Variants in MARK3 observed in about 807,000 individuals in gnomAD.
The protein encoded by MARK3 is MAP/microtubule affinity-regulating kinase 3.
In MARK3, 46 loss-of-function variants were observed where a neutral mutation model predicts 90.1. The observed-to-expected ratio is 0.51, with a 90% CI of 0.40 to 0.65. The LOEUF is 0.65. Among genes scored for constraint, MARK3 ranks in the 30% least tolerant of loss-of-function variants. MARK3 has a pLI of 0.00. For synonymous variants in MARK3, 321 were observed against 332.6 expected (o/e 0.97, Z 0.38); for missense variants, 818 against 947.2 (o/e 0.86, Z 1.79).
chr14:103,436,137 C>T (rs537220278), intron 3 of MARK3, among the ~76,000 whole-genome samples: 8 of 152,240 alleles, frequency 5.3e-5, no homozygotes, highest in Non-Finnish European at 1.0e-4. Context: ...GTGATCCACC[C>T]GCTTCAGCCT....
chr14:103,407,664 A>G lies in MARK3; in HGVS notation c.243+2397A>G, dbSNP rs561335312. 2.1e-5 allele frequency among the ~76,000 whole-genome samples: 3 copies of G among 145,982 alleles called. No individual in the cohort carries two copies. The South Asian group carries it at 6.4e-4, about 31-fold the overall frequency. On this transcript the variant is annotated intron_variant, in intron 2 of 17. Transcript: ENST00000429436. ...TAACCTCCGCCTCCTGGGTTCAAGCAATTCTCCTGCCTCAGCCTCCTGAGT... is the reference window on the plus strand; with the variant it reads ...TAACCTCCGCCTCCTGGGTTCAAGCGATTCTCCTGCCTCAGCCTCCTGAGT...
At chr14:103,416,726 C>T (rs6575985) in intron 2 of MARK3, among the ~76,000 whole-genome samples, 52,063 of 151,886 alleles carry the variant, frequency 0.34, 9,398 homozygotes, top group East Asian at 0.5. Flanking sequence ...GAGCCGAGAT[C>T]GCACCACTGC....
intron 13 of MARK3, among the ~76,000 whole-genome samples, chr14:103,478,294 CAAAA>C (rs745554491): frequency 4.8e-5 from 6 of 125,280 alleles, no homozygotes; most frequent in Admixed American, 8.3e-5. Context: ...GGCTCCATCT[CAAAA>C]AAAAAAAAAA....
At position 103,405,097 on chromosome 14, in the gene MARK3, C is replaced by A; in HGVS notation, c.73C>A (p.Arg25Ser). 6.2e-7 allele frequency: 1 copy of A among 1,613,854 alleles called. No homozygotes were observed. The highest frequency in any genetic ancestry group is 8.5e-7 in the Non-Finnish European group (1 of 1,179,910). Residue 25 changes from arginine (R) to serine (S), a missense_variant, in exon 2 of 18, where the codon CGT becomes AGT. By Grantham distance (110) the Arg-to-Ser change is moderately radical. Transcript: ENST00000429436. ...TENHTSHGDG[R>S]QEVTSRTSRS... is the part of the protein sequence containing the mutation. ...GCAGCACACGTCACATGGAGATGGG[C>A]GTCAAGAAGTTACCTCTCGTACCAG...
At chr14:103,386,165 C>A in intron 1 of MARK3, 85 bp downstream of exon 1, 3 of 1,278,386 alleles carry the variant, frequency 2.3e-6, no homozygotes, top group Non-Finnish European at 3.4e-6. Flanking sequence ...GGGTGTTCCC[C>A]CCAGCCGAAC....
chr14:103,467,054 A>G, intron 10 of MARK3, 25 bp from the exon 11 acceptor site: 1 of 1,115,350 alleles, frequency 9.0e-7, no homozygotes, highest in Non-Finnish European at 1.3e-6. Context: ...CAAAACACAT[A>G]AACTGTATTA....
intron 2 of MARK3, among the ~76,000 whole-genome samples, chr14:103,424,306 G>A (rs1422095442): frequency 6.6e-6 from 1 of 151,946 alleles, no homozygotes; most frequent in African/African-American, 2.4e-5. Context: ...GCTGAGGTGG[G>A]CAGATCGCTT....
Position 103,493,829 on chromosome 14 carries a change from C to T in MARK3, c.1844+1795C>T, listed in dbSNP as rs952174425. 2.8e-5 allele frequency among the ~76,000 whole-genome samples: 4 copies of T among 140,494 alleles called. No homozygotes were observed. The East Asian group carries it at 8.3e-4, about 29-fold the overall frequency. 92.2% of individuals were successfully genotyped at this position (140,494 alleles called of 152,430 possible). On this transcript the variant is annotated intron_variant, in intron 15 of 17. Transcript: ENST00000429436. ...GGCAGAGGTTGCAGTGAGCCGAGATCGTACCACTGCACTCTAGTCTGGGTG... is the reference window on the plus strand; with the variant it reads ...GGCAGAGGTTGCAGTGAGCCGAGATTGTACCACTGCACTCTAGTCTGGGTG...
At position 103,405,207 on chromosome 14, in the gene MARK3, A is replaced by ATTC. The variant is rs1265722208; in HGVS notation, c.183_184insTTC (p.Thr61_Ile62insPhe). The ATTC allele has an allele frequency of 6.3e-7, 1 of 1,587,176 alleles. No homozygotes were observed. Among genetic ancestry groups the ATTC allele is most frequent in the Admixed American group, 1.9e-5 (1 of 52,828 alleles). On this transcript the variant is annotated inframe_insertion, in exon 2 of 18. Transcript: ENST00000429436. ...TCGGAAACTACAGACTGTTGAAAAC[A>ATTC]ATCGGCAAGGGGAATTTTGCAAAAG...
chr14:103,419,917 G>A (rs1007429543), intron 2 of MARK3, among the ~76,000 whole-genome samples: 13 of 152,220 alleles, frequency 8.5e-5, no homozygotes, highest in African/African-American at 2.6e-4. Context: ...CTGATCAGTG[G>A]GATGGGGATT....
In MARK3 at chr14:103,475,025, C is replaced by G. The variant is rs369682757; in HGVS notation, c.1297C>G (p.Pro433Ala). 6.8e-6 allele frequency: 11 copies of G among 1,613,892 alleles called. No individual in the cohort carries two copies. Among genetic ancestry groups the G allele is most frequent in the Non-Finnish European group, 8.5e-6 (10 of 1,179,942 alleles). ...GPAIPSVVAY[P>A]KRSQTSTADS... ...AGCTATTCCTTCTGTTGTGGCGTAT[C>G]CGAAAAGGAGTCAGACCAGCACTGC... The change falls in exon 13 of 18, where the codon CCG becomes GCG. Residue 433 changes from proline to alanine, a missense_variant. Physicochemically the swap from Pro to Ala is conservative, Grantham distance 27. Coordinates refer to ENST00000429436, the MANE Select transcript of MARK3 (RefSeq NM_001128918.3).
intron 3 of MARK3, among the ~76,000 whole-genome samples, chr14:103,429,948 CCTT>C (rs776813583): frequency 2.0e-4 from 30 of 151,982 alleles, no homozygotes; most frequent in Non-Finnish European, 3.7e-4. Flanking sequence ...TGCAGTTTTT[CCTT>C]CTTGTTTGCT....
chr14:103,423,218 T>G (rs1022477953), intron 2 of MARK3, among the ~76,000 whole-genome samples: 3 of 141,990 alleles, frequency 2.1e-5, no homozygotes, highest in South Asian at 2.3e-4. Context: ...TTTTTTTGCC[T>G]CCTCTTTTAC....
intron 1 of MARK3, among the ~76,000 whole-genome samples, chr14:103,391,737 T>TA (rs398026458): frequency 1.7e-5 from 2 of 116,832 alleles, no homozygotes; most frequent in Non-Finnish European, 3.9e-5. Flanking sequence ...TTTTTTTTTT[T>TA]AGTAGAGATG....
In MARK3 at chr14:103,405,229, A is replaced by G. The variant is rs780320164; in HGVS notation, c.205A>G (p.Lys69Glu). ...AACAATCGGCAAGGGGAATTTTGCA[A>G]AAGTAAAATTGGCAAGACATATCCT... The part of the protein sequence containing the change: ...LKTIGKGNFA[K>E]VKLARHILTG... Residue 69 changes from lysine (K) to glutamate (E), a missense_variant, in exon 2 of 18, where the codon AAA becomes GAA. This residue lies in a region of MARK3 where 157 missense variants were observed against 158.7 expected (regional missense o/e 0.99). Coordinates refer to ENST00000429436, the MANE Select transcript of MARK3 (RefSeq NM_001128918.3). 1 of 1,573,012 alleles carries G rather than the reference A, an allele frequency of 6.4e-7. No individual in the cohort carries two copies. Among genetic ancestry groups the G allele is most frequent in the East Asian group, 2.3e-5 (1 of 43,380 alleles).
At chr14:103,455,644 C>T (rs1370932852) in intron 5 of MARK3, among the ~76,000 whole-genome samples, 2 of 148,880 alleles carry the variant, frequency 1.3e-5, no homozygotes, top group Non-Finnish European at 3.0e-5. Context: ...ACGAGAATTG[C>T]TTGAACGTTG....
chr14:103,484,934 A>G (rs931193989), intron 14 of MARK3, among the ~76,000 whole-genome samples: 3 of 151,178 alleles, frequency 2.0e-5, no homozygotes, highest in African/African-American at 4.9e-5. Flanking sequence ...ACAAAAAAAA[A>G]GGGCTGAGCA....
chr14:103,475,321 C>G, intron 13 of MARK3, 111 bp downstream of exon 13: 1 of 822,708 alleles, frequency 1.2e-6, no homozygotes, highest in Non-Finnish European at 2.0e-6. Context: ...GCCCTCTCTA[C>G]TAGGCAGCCA....
At chr14:103,452,089 C>A (rs2093160626) in intron 5 of MARK3, 106 bp downstream of exon 5, 1 of 719,066 alleles carries the variant, frequency 1.4e-6, no homozygotes. Context: ...ATTTAACGTC[C>A]AGAGCCATAA....
Sources: allele counts gnomAD v4.1 joint callset (sites outside exome capture counted in the v4.1 genomes callset), GRCh38; gene constraint gnomAD v4.1.1; regional missense constraint gnomAD v4.1.1; transcripts MANE v1.5; gene names NCBI Gene and HGNC (gene_info 2026-07-23, HGNC 2026-07-21).